COL5A1: variants seen among roughly 807,000 people sequenced by gnomAD.
COL5A1 encodes the protein collagen alpha-1(V) chain.
In COL5A1, 16 loss-of-function variants were observed where a neutral mutation model predicts 263.7. The ratio of observed to expected loss-of-function variants is 0.06; its 90% CI spans 0.04 to 0.09. The LOEUF is 0.09. Ranked by LOEUF, COL5A1 falls within the 10% of genes least tolerant of loss-of-function variation. COL5A1 has a pLI of 1.00. For synonymous variants in COL5A1, 1,012 were observed against 1,004.5 expected, an observed-to-expected ratio of 1.01 and a Z score of -0.14; for missense variants, 2,036 against 2,540.5, an observed-to-expected ratio of 0.80 and a Z score of 4.27.
chr9:134,776,506 G>A (rs912440378), intron 27 of COL5A1, among the ~76,000 whole-genome samples: 2 of 152,168 alleles, frequency 1.3e-5, no homozygotes, highest in African/African-American at 2.4e-5. Context: ...TATTTTCATC[G>A]GGGAAAAAGT....
rs372844807 is a variant in COL5A1 at position 134,805,214 on chromosome 9, G to A, written c.3258G>A (p.Ala1086=). The A allele has an allele frequency of 4.2e-5, 67 of 1,613,776 alleles. No individual in the cohort carries two copies. Among genetic ancestry groups the A allele is most frequent in the African/African-American group, 1.3e-4 (10 of 74,944 alleles). The change falls in exon 41 of 66, where the codon GCG becomes GCA. Residue 1086 remains alanine (A), a splice_region_variant and synonymous_variant. Coordinates refer to ENST00000371817, the MANE Select transcript of COL5A1 (RefSeq NM_000093.5). Reference sequence around the variant, plus strand: ...GGCCCCCTGGCCCACCAGGCCCTGCGGTGAGTCAAAGCCTTTGTCCCATCC... The same window carrying A: ...GGCCCCCTGGCCCACCAGGCCCTGCAGTGAGTCAAAGCCTTTGTCCCATCC... ...NEGPPGPPGP[A]GSPGERGPAG...
chr9:134,823,763 ATG>A (rs1252268422), intron 61 of COL5A1, among the ~76,000 whole-genome samples: 1 of 152,192 alleles, frequency 6.6e-6, no homozygotes, highest in Non-Finnish European at 1.5e-5. Flanking sequence ...ATATGCGTGT[ATG>A]TGACTGGGCA....
At position 134,750,562 on chromosome 9, in the gene COL5A1, C is replaced by A; in HGVS notation, c.1515C>A (p.Gly505=). The A allele has an allele frequency of 6.2e-7, 1 of 1,613,636 alleles. No homozygotes were observed. Among genetic ancestry groups the A allele is most frequent in the Non-Finnish European group, 8.5e-7 (1 of 1,180,032 alleles). The stretch of plus-strand genomic sequence containing the variant: ...TTCAGGGCCCCCCTGGACGCCCAGG[C>A]CTTCCTGGGGCCGATGGCCTGCCCG... ...PGERGPPGRP[G]LPGADGLPGP... The change falls in exon 12 of 66, where the codon GGC becomes GGA. Residue 505 remains glycine, a synonymous_variant. Transcript: ENST00000371817.
intron 36 of COL5A1, among the ~76,000 whole-genome samples, chr9:134,798,187 C>T (rs1837983878): frequency 6.6e-6 from 1 of 152,192 alleles, no homozygotes; most frequent in African/African-American, 2.4e-5. Flanking sequence ...CAGCACGTCC[C>T]ATGGGGCAGT....
intron 63 of COL5A1, among the ~76,000 whole-genome samples, chr9:134,828,687 A>ACACAT (rs1564181605): frequency 3.3e-5 from 5 of 151,856 alleles, no homozygotes; most frequent in Admixed American, 1.3e-4. Flanking sequence ...CATACACACC[A>ACACAT]CACATACCAC....
rs1349837879 is a variant in COL5A1 at position 134,742,161 on chromosome 9, C to T, written c.1494+3353C>T. Among the ~76,000 whole-genome samples, 4 of 152,192 alleles carry T rather than the reference C, an allele frequency of 2.6e-5. No homozygotes were observed. The highest frequency in any genetic ancestry group is 2.1e-4 in the South Asian group (1 of 4,832). ...CTCTGGTGAGCCCTGCACACTCTCC[C>T]GCTGCTCCCCTTGGATGACCTTCCA... On this transcript the variant is annotated intron_variant, in intron 11 of 65. Coordinates refer to ENST00000371817, the MANE Select transcript of COL5A1 (RefSeq NM_000093.5). This position sits in a 1 kb window ranked among gnomAD's most constrained non-coding sequence, Gnocchi z 4.6.
rs181738671 is a variant in COL5A1 at position 134,756,041 on chromosome 9, G to A, written c.1828-724G>A. On this transcript the variant is annotated intron_variant, in intron 16 of 65. Transcript: ENST00000371817. ...TCGCTGGCTGGGGTGCCTCATTGGC[G>A]TGGAGGTCTGGCTGAGTTTCATAGA... Among the ~76,000 whole-genome samples, 343 of 152,258 alleles carry A rather than the reference G, an allele frequency of 2.3e-3. 1 individual carries two copies. The highest frequency in any genetic ancestry group is 6.5e-3 in the African/African-American group (271 of 41,568).
chr9:134,678,514 G>T lies in COL5A1; in HGVS notation c.110-12398G>T, dbSNP rs1832744657. ...GTGTGTTGGCTGGTGCCAGCCCCGG[G>T]AAGCTGTCTGCATCCCTGCAGGGCA... is the stretch of plus-strand genomic sequence containing the variant. On this transcript the variant is annotated intron_variant, in intron 1 of 65. Coordinates refer to ENST00000371817, the MANE Select transcript of COL5A1 (RefSeq NM_000093.5). The surrounding 1 kb of genome is among the most constrained non-coding windows in gnomAD (Gnocchi z 5.5). Among the ~76,000 whole-genome samples, 1 of 152,246 alleles carries T rather than the reference G, an allele frequency of 6.6e-6. No homozygotes were observed. The highest frequency in any genetic ancestry group is 1.9e-4 in the East Asian group (1 of 5,200).
chr9:134,804,081 C>T (rs957474724), intron 39 of COL5A1, among the ~76,000 whole-genome samples: 1 of 152,056 alleles, frequency 6.6e-6, no homozygotes, highest in Non-Finnish European at 1.5e-5. Context: ...GCCTGTAGGA[C>T]CACAGAAGAG....
At position 134,696,156 on chromosome 9, in the gene COL5A1, C is replaced by T. The variant is rs1010019960; in HGVS notation, c.278-3753C>T. The stretch of plus-strand genomic sequence containing the variant: ...TTTCTGCCACCCTGCCCCACTGCCC[C>T]CTGCATTATTTGCAATTATTATTAT... On this transcript the variant is annotated intron_variant, in intron 2 of 65. Transcript: ENST00000371817. The surrounding 1 kb of genome is among the most constrained non-coding windows in gnomAD (Gnocchi z 4.3). Among the ~76,000 whole-genome samples the T allele has an allele frequency of 1.3e-5, 2 of 152,160 alleles. No individual in the cohort carries two copies. The highest frequency in any genetic ancestry group is 2.1e-4 in the South Asian group (1 of 4,816).
intron 11 of COL5A1, among the ~76,000 whole-genome samples, chr9:134,747,684 CAT>C (rs1190242031): frequency 6.6e-6 from 1 of 152,030 alleles, no homozygotes; most frequent in African/African-American, 2.4e-5. Context: ...TTCATACACA[CAT>C]GCAAACACAT....
intron 1 of COL5A1, among the ~76,000 whole-genome samples, chr9:134,668,704 C>T (rs983049532): frequency 2.6e-5 from 4 of 151,474 alleles, no homozygotes; most frequent in Non-Finnish European, 5.9e-5. Context: ...GTTCTTCCAT[C>T]CGTTCACCTG....
chr9:134,815,531 C>A, intron 50 of COL5A1, 45 bp from the exon 51 acceptor site: 1 of 1,596,756 alleles, frequency 6.3e-7, no homozygotes, highest in Non-Finnish European at 8.6e-7. Flanking sequence ...TGGTCTCAGT[C>A]AGGTTGCTGA....
In COL5A1 at chr9:134,765,784, AC is replaced by A. The variant is rs757557256; in HGVS notation, c.2088+54del. ...GTCTGCCCCCATCTCGGCCTTTGAG[AC>A]CCCGCCTCCCAGCCGGTGGACGCTT... On this transcript the variant is annotated intron_variant, in intron 21 of 65. Transcript: ENST00000371817. This position sits in a 1 kb window ranked among gnomAD's most constrained non-coding sequence, Gnocchi z 5.1. The A allele has an allele frequency of 6.7e-7, 1 of 1,502,754 alleles. No individual in the cohort carries two copies. Among genetic ancestry groups the A allele is most frequent in the South Asian group, 1.2e-5 (1 of 85,916 alleles). The allele number at this position is 1,502,754 out of a possible 1,614,324, so 93.1% of individuals were successfully genotyped here. A position where few individuals can be genotyped will look rare whatever the true frequency, so the allele number is the denominator to read the frequency against.
At chr9:134,814,167 C>A (rs1838650123) in intron 49 of COL5A1, 131 bp downstream of exon 49, 1 of 899,748 alleles carries the variant, frequency 1.1e-6, no homozygotes, top group Non-Finnish European at 1.7e-6. Context: ...CCCTCTTGTG[C>A]CCATTTCATG....
At chr9:134,837,827 C>T (rs1305805259) in intron 65 of COL5A1, among the ~76,000 whole-genome samples, 1 of 152,160 alleles carries the variant, frequency 6.6e-6, no homozygotes, top group South Asian at 2.1e-4. Context: ...GTGTTCCCTT[C>T]TTTCTACATA....
In COL5A1 at chr9:134,839,821, G is replaced by A. The variant is rs1351846815; in HGVS notation, c.5371-2336G>A. Reference sequence around the variant, plus strand: ...TGAATATCCTGTGTCCAGCCCCGCTGCCCACCTATCCTTCCCAGCCACCGC... The same window carrying A: ...TGAATATCCTGTGTCCAGCCCCGCTACCCACCTATCCTTCCCAGCCACCGC... On this transcript the variant is annotated intron_variant, in intron 65 of 65. Coordinates refer to ENST00000371817, the MANE Select transcript of COL5A1 (RefSeq NM_000093.5). Among the ~76,000 whole-genome samples, 4 of 152,200 alleles carry A rather than the reference G, an allele frequency of 2.6e-5. No individual in the cohort carries two copies. The East Asian group carries it at 5.8e-4, about 22-fold the overall frequency.
intron 53 of COL5A1, among the ~76,000 whole-genome samples, chr9:134,817,541 G>T (rs964169493): frequency 6.6e-6 from 1 of 152,184 alleles, no homozygotes; most frequent in African/African-American, 2.4e-5. Flanking sequence ...CTTTACCTGG[G>T]ACTGGAGTCC....
chr9:134,684,469 T>C (rs1237545682), intron 1 of COL5A1, among the ~76,000 whole-genome samples: 1 of 152,220 alleles, frequency 6.6e-6, no homozygotes, highest in Non-Finnish European at 1.5e-5. Context: ...GGCTCCATCC[T>C]CATGCCTCAC....
Sources: allele counts gnomAD v4.1 joint callset (sites outside exome capture counted in the v4.1 genomes callset), GRCh38; gene constraint gnomAD v4.1.1; non-coding constraint Gnocchi (gnomAD v3.1); transcripts MANE v1.5; gene names NCBI Gene and HGNC (gene_info 2026-07-23, HGNC 2026-07-21).